VWA8: variants seen among roughly 807,000 people sequenced by gnomAD.
VWA8 encodes the protein von Willebrand factor A domain-containing protein 8.
VWA8 carries 221 observed loss-of-function variants against 241.5 expected under a neutral mutation model. The ratio of observed to expected loss-of-function variants is 0.91; its 90% CI spans 0.82 to 1.02. VWA8 has a LOEUF of 1.02. VWA8 is among the 50% of genes least tolerant of loss of function. The pLI, the probability that VWA8 is intolerant of heterozygous loss-of-function variation, is 0.00. For synonymous variants in VWA8, 852 were observed against 827.1 expected, an observed-to-expected ratio of 1.03 and a Z score of -0.52; for missense variants, 2,322 against 2,328.7, an observed-to-expected ratio of 1.00 and a Z score of 0.06.
intron 3 of VWA8, among the ~76,000 whole-genome samples, chr13:41,909,616 T>C (rs1341852514): frequency 6.6e-6 from 1 of 152,200 alleles, no homozygotes; most frequent in Non-Finnish European, 1.5e-5. Context: ...AGGCTTCCAT[T>C]AGTTGACAAA....
At chr13:41,752,040 C>A (rs1256075657) in intron 21 of VWA8, among the ~76,000 whole-genome samples, 2 of 152,122 alleles carry the variant, frequency 1.3e-5, no homozygotes, top group African/African-American at 4.8e-5. Flanking sequence ...TTACTGTTAA[C>A]TTCTCTTTTC....
intron 40 of VWA8, among the ~76,000 whole-genome samples, chr13:41,597,711 T>C (rs1430262857): frequency 6.6e-6 from 1 of 152,014 alleles, no homozygotes; most frequent in Admixed American, 6.6e-5. Flanking sequence ...TGTGCAAACA[T>C]AACAGGCATC....
At chr13:41,752,424 C>T (rs564739564) in intron 21 of VWA8, among the ~76,000 whole-genome samples, 2 of 152,242 alleles carry the variant, frequency 1.3e-5, no homozygotes, top group South Asian at 2.1e-4. Context: ...AATGTTGATG[C>T]ATTTTCACCA....
At chr13:41,896,868 CTA>C (rs1351611630) in intron 4 of VWA8, among the ~76,000 whole-genome samples, 1 of 152,020 alleles carries the variant, frequency 6.6e-6, no homozygotes, top group Non-Finnish European at 1.5e-5. Context: ...ATGTAAATGG[CTA>C]TGTTATTAAC....
intron 17 of VWA8, among the ~76,000 whole-genome samples, chr13:41,798,195 C>A (rs9315866): frequency 0.013 from 1,945 of 152,266 alleles, 49 homozygotes; most frequent in African/African-American, 0.044. Context: ...TTGTTAAATA[C>A]TTCCCTATAT....
intron 26 of VWA8, among the ~76,000 whole-genome samples, chr13:41,717,661 A>G (rs988188777): frequency 6.6e-6 from 1 of 151,972 alleles, no homozygotes; most frequent in Non-Finnish European, 1.5e-5. Flanking sequence ...TTGCTACGGA[A>G]CCTGTGAATT....
chr13:41,830,780 A>C (rs938769070), intron 13 of VWA8, 138 bp from the exon 14 acceptor site: 23 of 655,318 alleles, frequency 3.5e-5, no homozygotes, highest in Middle Eastern at 4.0e-4. Context: ...GACCTTTCAA[A>C]ATTTCAAATT....
At chr13:41,569,953 A>G (rs1198694818) in intron 44 of VWA8, among the ~76,000 whole-genome samples, 1 of 152,164 alleles carries the variant, frequency 6.6e-6, no homozygotes. Flanking sequence ...GAAGGGATAC[A>G]TGTGAGTGTG....
intron 17 of VWA8, among the ~76,000 whole-genome samples, chr13:41,803,513 T>G (rs570314984): frequency 6.6e-6 from 1 of 152,212 alleles, no homozygotes; most frequent in Non-Finnish European, 1.5e-5. Context: ...ACGTCTCACA[T>G]GGCAGCAGAC....
intron 2 of VWA8, among the ~76,000 whole-genome samples, chr13:41,943,789 C>A (rs1877710663): frequency 6.6e-6 from 1 of 152,068 alleles, no homozygotes; most frequent in South Asian, 2.1e-4. Flanking sequence ...CATCACTGTT[C>A]ATCAGAGAAA....
chr13:41,934,848 A>C (rs1566044633), intron 2 of VWA8, among the ~76,000 whole-genome samples: 8 of 152,078 alleles, frequency 5.3e-5, no homozygotes. Context: ...GGTTATATAC[A>C]TATGTAAAAA....
chr13:41,787,493 G>T lies in VWA8; in HGVS notation c.2114C>A (p.Ala705Asp). ...GTCATCAGTATTTATTTCTATTGTA[G>T]CATCTGCCAGATTTTTTTCTAATGC... ...RSALEKNLAD[A>D]TIEINTDDNL... Residue 705 changes from alanine to aspartate, a missense_variant, in exon 18 of 45, where the codon GCT (alanine) becomes GAT (aspartate). Coordinates refer to ENST00000379310, the MANE Select transcript of VWA8 (RefSeq NM_015058.2). 1 of 1,612,456 alleles carries T rather than the reference G, an allele frequency of 6.2e-7. No individual in the cohort carries two copies.
chr13:41,576,482 G>A (rs2044351114), intron 42 of VWA8, among the ~76,000 whole-genome samples: 1 of 152,190 alleles, frequency 6.6e-6, no homozygotes. Flanking sequence ...AAACTGCTGT[G>A]TTTTAAATGG....
At chr13:41,587,401 A>G in intron 42 of VWA8, 111 bp downstream of exon 42, 1 of 1,396,000 alleles carries the variant, frequency 7.2e-7, no homozygotes, top group Non-Finnish European at 9.8e-7. Flanking sequence ...GCACTGATGA[A>G]TGAGCTGGTG....
intron 40 of VWA8, among the ~76,000 whole-genome samples, chr13:41,597,310 T>C (rs1265029239): frequency 2.6e-5 from 4 of 152,272 alleles, no homozygotes; most frequent in Admixed American, 2.6e-4. Context: ...AACTTTCATA[T>C]TGAATTTATA....
At chr13:41,902,610 T>C (rs1226562606) in intron 4 of VWA8, among the ~76,000 whole-genome samples, 1 of 152,260 alleles carries the variant, frequency 6.6e-6, no homozygotes, top group Non-Finnish European at 1.5e-5. Context: ...ACAAATATTA[T>C]ATGCATTTAT....
At chr13:41,643,885 C>T (rs2044813401) in intron 37 of VWA8, among the ~76,000 whole-genome samples, 1 of 151,998 alleles carries the variant, frequency 6.6e-6, no homozygotes, top group Admixed American at 6.6e-5. Context: ...CATACAGTAG[C>T]TCATTTGTGT....
At chr13:41,893,016 C>T (rs180840560) in intron 4 of VWA8, among the ~76,000 whole-genome samples, 2 of 152,296 alleles carry the variant, frequency 1.3e-5, no homozygotes, top group Non-Finnish European at 2.9e-5. Context: ...ATGTACATAC[C>T]ATACTGCTTT....
chr13:41,912,352 T>C (rs1165889322), intron 2 of VWA8, among the ~76,000 whole-genome samples, 184 bp from the exon 3 acceptor site: 5 of 151,968 alleles, frequency 3.3e-5, no homozygotes, highest in South Asian at 2.1e-4. Flanking sequence ...TGGACAAACA[T>C]GTAGACACCT....
Sources: gnomAD v4.1 joint callset for allele counts (sites outside exome capture counted in the v4.1 genomes callset) on GRCh38, gnomAD v4.1.1 for gene constraint, MANE v1.5 for transcripts, NCBI Gene and HGNC (gene_info 2026-07-23, HGNC 2026-07-21) for gene names.